LRP1: variants seen among roughly 807,000 people sequenced by gnomAD.
LRP1 encodes the protein LDL receptor related protein 1.
A neutral mutation model predicts 541.5 loss-of-function variants in LRP1; 51 were observed. That is an observed-to-expected ratio of 0.09 (90% CI 0.08 to 0.12). The LOEUF (loss-of-function observed/expected upper bound fraction) is 0.12, where lower values mean the gene tolerates loss of function less well. Ranked by LOEUF, LRP1 falls within the 10% of genes least tolerant of loss-of-function variation. LRP1 has a pLI of 1.00. For synonymous variants in LRP1, 2,219 were observed against 2,470.8 expected (o/e 0.90, Z 3.02); for missense variants, 3,878 against 6,376.2 (o/e 0.61, Z 13.34).
Position 57,180,605 on chromosome 12 carries a change from G to A in LRP1, c.5387-62G>A. ...GGGCCTGATGACTTAGGGCCAATGG[G>A]CCCTTCAGGAGAGCTGGGTGTGGGG... On this transcript the variant is annotated intron_variant, in intron 32 of 88. Transcript: ENST00000243077. 3 of 1,609,858 alleles carry A rather than the reference G, an allele frequency of 1.9e-6. No individual in the cohort carries two copies. The South Asian group carries it at 3.3e-5, about 18-fold the overall frequency.
intron 19 of LRP1, 33 bp from the exon 20 acceptor site, chr12:57,169,107 G>T (rs372959220): frequency 6.5e-4 from 1,021 of 1,580,764 alleles, no homozygotes; most frequent in Non-Finnish European, 8.1e-4. Flanking sequence ...ACCAACTCCC[G>T]CTTTGCCTCT....
Position 57,138,598 on chromosome 12 carries a change from G to T in LRP1, c.190+17G>T, listed in dbSNP as rs775638591. On this transcript the variant is annotated intron_variant, in intron 2 of 88. Coordinates refer to ENST00000243077, the MANE Select transcript of LRP1 (RefSeq NM_002332.3). ...CTGAGATTTGTAAGTACCTTTTCTG[G>T]ATTCTTCTCCCCAAACCCTTAACTT... The T allele has an allele frequency of 6.2e-7, 1 of 1,613,288 alleles. No individual in the cohort carries two copies. Among genetic ancestry groups the T allele is most frequent in the Non-Finnish European group, 8.5e-7 (1 of 1,179,576 alleles).
In LRP1 at chr12:57,178,251, T is replaced by C. The variant is rs893628963; in HGVS notation, c.4362-108T>C. The C allele has an allele frequency of 4.5e-5, 59 of 1,317,602 alleles. No homozygotes were observed. In the African/African-American group the frequency reaches 7.9e-4, roughly 18 times the overall value. The allele number at this position is 1,317,602 out of a possible 1,614,324, so 81.6% of individuals were successfully genotyped here. On this transcript the variant is annotated intron_variant, in intron 26 of 88. Transcript: ENST00000243077. The surrounding 1 kb of genome is among the most constrained non-coding windows in gnomAD (Gnocchi z 5.8). ...CTTAGGGGAGGGAATGGTCCCATGC[T>C]CTTCGCTGGGAGGGCTGTGGCCAGG...
chr12:57,204,089 C>A lies in LRP1; in HGVS notation c.10952-321C>A. 1 of 247,466 alleles carries A rather than the reference C, an allele frequency of 4.0e-6. No individual in the cohort carries two copies. The highest frequency in any genetic ancestry group is 7.7e-6 in the Non-Finnish European group (1 of 129,484). The allele number at this position is 247,466 out of a possible 1,614,324, so 15.3% of individuals were successfully genotyped here. The stretch of plus-strand genomic sequence containing the variant: ...CATTCCCAGCCCAGTGCTGTTCCCG[C>A]GTCCCCGCTGTGGAACTACACAGCC... On this transcript the variant is annotated intron_variant, in intron 70 of 88. Transcript: ENST00000243077. This position sits in a 1 kb window ranked among gnomAD's most constrained non-coding sequence, Gnocchi z 5.3.
Position 57,205,575 on chromosome 12 carries a change from C to T in LRP1, c.11488C>T (p.Arg3830Cys), listed in dbSNP as rs776313808. Reference sequence around the variant, plus strand: ...ACCCTTAGACATCAACGAGTGCCTGCGCTTCGGCACCTGCTCCCAGCTCTG... The same window carrying T: ...ACCCTTAGACATCAACGAGTGCCTGTGCTTCGGCACCTGCTCCCAGCTCTG... ...PGCQDINECL[R>C]FGTCSQLCNN... The change falls in exon 75 of 89, where the codon CGC (arginine) becomes TGC (cysteine). Residue 3830 changes from arginine (R) to cysteine (C), a missense_variant. Physicochemically the swap from Arg to Cys is radical, Grantham distance 180. This residue lies in a region of LRP1 where 871 missense variants were observed against 1,212.4 expected (regional missense o/e 0.72). Transcript: ENST00000243077. The surrounding 1 kb of genome is among the most constrained non-coding windows in gnomAD (Gnocchi z 4.6). 6.2e-7 allele frequency: 1 copy of T among 1,614,004 alleles called. No homozygotes were observed. Among genetic ancestry groups the T allele is most frequent in the Non-Finnish European group, 8.5e-7 (1 of 1,180,018 alleles).
intron 19 of LRP1, among the ~76,000 whole-genome samples, chr12:57,168,770 G>A (rs1336204660): frequency 6.6e-6 from 1 of 152,166 alleles, no homozygotes; most frequent in Admixed American, 6.5e-5. Context: ...GGCCACGCCT[G>A]CACCCCACCT....
At position 57,212,301 on chromosome 12, in the gene LRP1, G is replaced by A. The variant is rs746090951; in HGVS notation, c.13494+40G>A. On this transcript the variant is annotated intron_variant, in intron 88 of 88. Coordinates refer to ENST00000243077, the MANE Select transcript of LRP1 (RefSeq NM_002332.3). This position sits in a 1 kb window ranked among gnomAD's most constrained non-coding sequence, Gnocchi z 5.0. Reference sequence around the variant, plus strand: ...GGGCAGGGTCGAGTGCCAAGAGGCCGTGGGTGGCCTAACCAAAGGTGTTGG... The same window carrying A: ...GGGCAGGGTCGAGTGCCAAGAGGCCATGGGTGGCCTAACCAAAGGTGTTGG... The A allele has an allele frequency of 1.6e-5, 25 of 1,612,526 alleles. No individual in the cohort carries two copies. The African/African-American group carries it at 1.7e-4, about 11-fold the overall frequency.
chr12:57,178,227 T>G lies in LRP1; in HGVS notation c.4362-132T>G. 1 of 1,069,396 alleles carries G rather than the reference T, an allele frequency of 9.4e-7. No individual in the cohort carries two copies. Among genetic ancestry groups the G allele is most frequent in the Non-Finnish European group, 1.3e-6 (1 of 746,250 alleles). The allele number at this position is 1,069,396 out of a possible 1,614,324, so 66.2% of individuals were successfully genotyped here. On this transcript the variant is annotated intron_variant, in intron 26 of 88. Transcript: ENST00000243077. This position sits in a 1 kb window ranked among gnomAD's most constrained non-coding sequence, Gnocchi z 5.8. ...GTCTGTCTGCTCTGGCCAGCAAGGC[T>G]TAGGGGAGGGAATGGTCCCATGCTC...
chr12:57,184,460 C>T lies in LRP1; in HGVS notation c.6186+8C>T, dbSNP rs141577672. ...ATCTCAGTGGACTACCAGGTTCGCACGCCAACTTGGCCTTGGATCCGATGG... is the reference window on the plus strand; with the variant it reads ...ATCTCAGTGGACTACCAGGTTCGCATGCCAACTTGGCCTTGGATCCGATGG... On this transcript the variant is annotated splice_region_variant and intron_variant, in intron 38 of 88. Transcript: ENST00000243077. This position sits in a 1 kb window ranked among gnomAD's most constrained non-coding sequence, Gnocchi z 7.8. The T allele has an allele frequency of 1.9e-5, 31 of 1,614,150 alleles. 1 individual carries two copies. Among genetic ancestry groups the T allele is most frequent in the Admixed American group, 1.2e-4 (7 of 60,022 alleles).
In LRP1 at chr12:57,178,008, G is replaced by A. The variant is rs2036084920; in HGVS notation, c.4362-351G>A. 6.6e-6 allele frequency among the ~76,000 whole-genome samples: 1 copy of A among 150,548 alleles called. No homozygotes were observed. The highest frequency in any genetic ancestry group is 2.1e-4 in the South Asian group (1 of 4,768). The stretch of plus-strand genomic sequence containing the variant: ...CCGTCGCCCAGGCTGGAGTGCAGTG[G>A]CGCGATCTCGGCTCACTGCAGGCTC... On this transcript the variant is annotated intron_variant, in intron 26 of 88. Coordinates refer to ENST00000243077, the MANE Select transcript of LRP1 (RefSeq NM_002332.3). This position sits in a 1 kb window ranked among gnomAD's most constrained non-coding sequence, Gnocchi z 5.8.
intron 82 of LRP1, 62 bp from the exon 83 acceptor site, chr12:57,210,656 T>C (rs894488825): frequency 1.3e-6 from 2 of 1,553,972 alleles, no homozygotes; most frequent in Non-Finnish European, 1.8e-6. Context: ...AGCCCATTCC[T>C]CTGCTATAGG....
chr12:57,132,099 G>T, intron 1 of LRP1: 1 of 152,432 alleles, frequency 6.6e-6, no homozygotes. Context: ...CTGCAGGAAG[G>T]CCCCTGACTT....
chr12:57,192,822 G>A, intron 44 of LRP1, 23 bp from the exon 45 acceptor site: 1 of 1,613,938 alleles, frequency 6.2e-7, no homozygotes, highest in Non-Finnish European at 8.5e-7. Context: ...CTCCAGCCCT[G>A]CGCCCACCCT....
At chr12:57,150,497 A>C (rs2035506786) in intron 6 of LRP1, among the ~76,000 whole-genome samples, 1 of 151,656 alleles carries the variant, frequency 6.6e-6, no homozygotes, top group Non-Finnish European at 1.5e-5. Flanking sequence ...GGCCTTGAAA[A>C]CTTCCTTCTA....
At position 57,156,342 on chromosome 12, in the gene LRP1, C is replaced by A; in HGVS notation, c.1417+59C>A. On this transcript the variant is annotated intron_variant, in intron 9 of 88. Transcript: ENST00000243077. This position sits in a 1 kb window ranked among gnomAD's most constrained non-coding sequence, Gnocchi z 5.2. ...CTTTACCCCATGATGGCTCTGGGACCTTGGGATCACAGCCCCTCTCTGGGC... is the reference window on the plus strand; with the variant it reads ...CTTTACCCCATGATGGCTCTGGGACATTGGGATCACAGCCCCTCTCTGGGC... 6.5e-7 allele frequency: 1 copy of A among 1,541,784 alleles called. No individual in the cohort carries two copies. Among genetic ancestry groups the A allele is most frequent in the Non-Finnish European group, 8.8e-7 (1 of 1,131,596 alleles).
intron 42 of LRP1, among the ~76,000 whole-genome samples, chr12:57,188,271 A>G (rs1369985417): frequency 6.6e-6 from 1 of 152,216 alleles, no homozygotes; most frequent in East Asian, 1.9e-4. Context: ...CCCTCGCCTT[A>G]GGGATCCAGG....
rs536392471 is a variant in LRP1, at chr12:57,136,070, G to A, written c.68-2389G>A. Among the ~76,000 whole-genome samples the A allele has an allele frequency of 7.9e-5, 12 of 152,330 alleles. No homozygotes were observed. In the South Asian group the frequency reaches 2.1e-3, roughly 26 times the overall value. On this transcript the variant is annotated intron_variant, in intron 1 of 88. Transcript: ENST00000243077. ...CCAGCCCCCCTCTTCCCCCTCAGCCGGCCACGGCTGGTCAGGGGAAGCGGA... is the reference window on the plus strand; with the variant it reads ...CCAGCCCCCCTCTTCCCCCTCAGCCAGCCACGGCTGGTCAGGGGAAGCGGA...
chr12:57,194,934 G>A lies in LRP1; in HGVS notation c.8192-51G>A, dbSNP rs778935044. The stretch of plus-strand genomic sequence containing the variant: ...CTTCCCATGGCATCAGCCTCCCCAG[G>A]TGGGTGACCCCCACCCTTCCCCATC... On this transcript the variant is annotated intron_variant, in intron 50 of 88. Coordinates refer to ENST00000243077, the MANE Select transcript of LRP1 (RefSeq NM_002332.3). 19 of 1,474,800 alleles carry A rather than the reference G, an allele frequency of 1.3e-5. No homozygotes were observed. The Admixed American group carries it at 2.5e-4, about 20-fold the overall frequency. 91.4% of individuals were successfully genotyped at this position (1,474,800 alleles called of 1,614,324 possible). A position where few individuals can be genotyped will look rare whatever the true frequency, so the allele number is the denominator to read the frequency against.
At chr12:57,181,122 CT>C (rs755429151) in intron 33 of LRP1, 34 bp from the exon 34 acceptor site, 7 of 1,604,210 alleles carry the variant, frequency 4.4e-6, no homozygotes, top group Non-Finnish European at 5.1e-6. Context: ...GGAGGGCCAC[CT>C]AACCCTTTCC....
Sources: gnomAD v4.1 joint callset for allele counts (sites outside exome capture counted in the v4.1 genomes callset) on GRCh38, gnomAD v4.1.1 for gene constraint, gnomAD v4.1.1 regional missense constraint, Gnocchi (gnomAD v3.1) non-coding constraint, MANE v1.5 for transcripts, NCBI Gene and HGNC (gene_info 2026-07-23, HGNC 2026-07-21) for gene names.